Variants in GNAL observed in about 807,000 individuals in gnomAD.
GNAL encodes G protein subunit alpha L.
Under a neutral mutation model 55.1 loss-of-function variants are expected in GNAL, and 18 were observed. The ratio of observed to expected loss-of-function variants is 0.33; its 90% confidence interval spans 0.23 to 0.48. The LOEUF (loss-of-function observed/expected upper bound fraction) is 0.48, where lower values mean the gene tolerates loss of function less well. GNAL is among the 20% of genes least tolerant of loss of function. The pLI, the probability that GNAL is intolerant of heterozygous loss-of-function variation, is 0.99. For missense variants in GNAL, 412 were observed against 614.1 expected, an observed-to-expected ratio of 0.67 and a Z score of 3.48; for synonymous variants, 253 against 237.0, an observed-to-expected ratio of 1.07 and a Z score of -0.62.
chr18:11,790,053 C>T (rs1042128470), intron 4 of GNAL, among the ~76,000 whole-genome samples: 12 of 152,198 alleles, frequency 7.9e-5, no homozygotes, highest in African/African-American at 1.9e-4. Flanking sequence ...CTTTCTAGAA[C>T]GCTCCAGTGG....
intron 5 of GNAL, among the ~76,000 whole-genome samples, chr18:11,833,987 G>A (rs1483488992): frequency 6.6e-6 from 1 of 151,978 alleles, no homozygotes; most frequent in African/African-American, 2.4e-5. Context: ...GGCTCCCCGG[G>A]GTGCGGTTTA....
Position 11,752,881 on chromosome 18 carries a change from C to T in GNAL, c.405C>T (p.Ile135=). 1 of 1,610,008 alleles carries T rather than the reference C, an allele frequency of 6.2e-7. No individual in the cohort carries two copies. Among genetic ancestry groups the T allele is most frequent in the Non-Finnish European group, 8.5e-7 (1 of 1,176,312 alleles). The part of the protein sequence containing the change: ...LGAGESGKST[I]VKQMRILHVN... Reference sequence around the variant, plus strand: ...CTGGTGAGTCTGGGAAAAGCACTATCGTCAAACAGATGAGGATCCTGCACG... The same window carrying T: ...CTGGTGAGTCTGGGAAAAGCACTATTGTCAAACAGATGAGGATCCTGCACG... The change falls in exon 2 of 12, where the codon ATC becomes ATT. Residue 135 remains isoleucine, a synonymous_variant. Coordinates refer to ENST00000334049, the MANE Select transcript of GNAL (RefSeq NM_182978.4). The surrounding 1 kb of genome is among the most constrained non-coding windows in gnomAD (Gnocchi z 4.5).
At chr18:11,876,804 T>C (rs1323675239) in intron 11 of GNAL, 116 bp downstream of exon 11, 1 of 724,346 alleles carries the variant, frequency 1.4e-6, no homozygotes, top group East Asian at 2.6e-5. Flanking sequence ...TTACGAGCGA[T>C]GACAAAGGGT....
At chr18:11,723,703 C>T (rs540303971) in intron 1 of GNAL, among the ~76,000 whole-genome samples, 1 of 152,328 alleles carries the variant, frequency 6.6e-6, no homozygotes, top group African/African-American at 2.4e-5. Flanking sequence ...GAAGCCCAGC[C>T]CCCTCCCGTG....
At chr18:11,755,352 A>C (rs1447915591) in intron 4 of GNAL, among the ~76,000 whole-genome samples, 3 of 152,048 alleles carry the variant, frequency 2.0e-5, no homozygotes, top group Non-Finnish European at 2.9e-5. Context: ...CGGCTCACTG[A>C]AAGCTCCGCC....
chr18:11,737,505 C>T (rs556315079), intron 1 of GNAL, among the ~76,000 whole-genome samples: 5 of 152,318 alleles, frequency 3.3e-5, no homozygotes, highest in African/African-American at 1.2e-4. Flanking sequence ...CCTGGCTGCA[C>T]CTCGGGGTCT....
chr18:11,726,652 C>T (rs2032218150), intron 1 of GNAL, among the ~76,000 whole-genome samples: 1 of 152,170 alleles, frequency 6.6e-6, no homozygotes, highest in African/African-American at 2.4e-5. Flanking sequence ...CCCTTTCTGT[C>T]TCTGGGGTAG....
At chr18:11,834,491 G>A (rs2035457623) in intron 5 of GNAL, among the ~76,000 whole-genome samples, 1 of 152,118 alleles carries the variant, frequency 6.6e-6, no homozygotes, top group Non-Finnish European at 1.5e-5. Flanking sequence ...AGGCCAAGGT[G>A]GGAGGATTGC....
intron 4 of GNAL, among the ~76,000 whole-genome samples, chr18:11,795,212 C>T (rs1225745284): frequency 6.6e-6 from 1 of 151,870 alleles, no homozygotes; most frequent in East Asian, 1.9e-4. Context: ...CCAACCTGGC[C>T]AACATGGCAA....
intron 1 of GNAL, among the ~76,000 whole-genome samples, chr18:11,721,544 T>A (rs2032093322): frequency 6.6e-6 from 1 of 151,166 alleles, no homozygotes; most frequent in South Asian, 2.1e-4. Flanking sequence ...TCACCTGAGG[T>A]CAGCAGTTCC....
intron 1 of GNAL, among the ~76,000 whole-genome samples, chr18:11,695,073 T>G (rs958269260): frequency 1.3e-5 from 2 of 151,676 alleles, no homozygotes; most frequent in Non-Finnish European, 2.9e-5. Context: ...CTTCAACATA[T>G]GAATTCAGGG....
At chr18:11,796,590 A>AAC (rs1568031463) in intron 4 of GNAL, among the ~76,000 whole-genome samples, 1 of 132,696 alleles carries the variant, frequency 7.5e-6, no homozygotes, top group African/African-American at 3.2e-5. Flanking sequence ...AAAAAAAAAA[A>AAC]AAAAACAAAA....
At chr18:11,841,659 A>AAAAG (rs1567886792) in intron 5 of GNAL, among the ~76,000 whole-genome samples, 4 of 149,422 alleles carry the variant, frequency 2.7e-5, no homozygotes, top group African/African-American at 9.9e-5. Flanking sequence ...AAAAAAAAAA[A>AAAAG]AAAGAAAGAA....
chr18:11,865,755 TAA>T (rs777122802), intron 7 of GNAL, among the ~76,000 whole-genome samples: 46 of 81,168 alleles, frequency 5.7e-4, no homozygotes, highest in Admixed American at 1.1e-3. Context: ...ACCCTGTCTC[TAA>T]AAAAAAAAAA....
chr18:11,792,084 T>C (rs1264969193), intron 4 of GNAL, among the ~76,000 whole-genome samples: 1 of 152,224 alleles, frequency 6.6e-6, no homozygotes, highest in East Asian at 1.9e-4. Context: ...CTCTCCCTTT[T>C]TGGCCACTTC....
intron 4 of GNAL, among the ~76,000 whole-genome samples, chr18:11,793,452 T>G (rs551620223): frequency 6.6e-6 from 1 of 152,136 alleles, no homozygotes; most frequent in African/African-American, 2.4e-5. Context: ...CCTGGTGGCA[T>G]GCACCTGTAG....
In GNAL at chr18:11,751,528, T is replaced by C. The variant is rs1598428191; in HGVS notation, c.377-1325T>C. ...TGACTGGTGAGCCTCGGAGGGATCC[T>C]CCTCCCTGCTAGAATATGCATGATC... On this transcript the variant is annotated intron_variant, in intron 1 of 11. Coordinates refer to ENST00000334049, the MANE Select transcript of GNAL (RefSeq NM_182978.4). This position sits in a 1 kb window ranked among gnomAD's most constrained non-coding sequence, Gnocchi z 4.5. 4.1e-6 allele frequency: 4 copies of C among 985,370 alleles called. No individual in the cohort carries two copies. The highest frequency in any genetic ancestry group is 4.8e-6 in the Non-Finnish European group (4 of 829,908). 61.0% of individuals were successfully genotyped at this position (985,370 alleles called of 1,614,324 possible).
At chr18:11,824,789 G>T in intron 4 of GNAL, 129 bp from the exon 5 acceptor site, 2 of 589,714 alleles carry the variant, frequency 3.4e-6, no homozygotes, top group African/African-American at 1.9e-5. Context: ...ATTTTACTAT[G>T]CAGACTTCCA....
intron 4 of GNAL, among the ~76,000 whole-genome samples, chr18:11,818,756 G>A (rs561864467): frequency 2.0e-5 from 3 of 152,312 alleles, no homozygotes; most frequent in South Asian, 4.1e-4. Flanking sequence ...ACTCAGTGAC[G>A]TAAATGAAAG....
Sources: allele counts gnomAD v4.1 joint callset (sites outside exome capture counted in the v4.1 genomes callset), GRCh38; gene constraint gnomAD v4.1.1; non-coding constraint Gnocchi (gnomAD v3.1); transcripts MANE v1.5; gene names NCBI Gene and HGNC (gene_info 2026-07-23, HGNC 2026-07-21).